The following NHEJ1 variants were observed in gnomAD, a reference collection of about 807,000 sequenced individuals.
The protein encoded by NHEJ1 is non-homologous end joining factor 1.
In NHEJ1, 22 loss-of-function variants were observed where a neutral mutation model predicts 39.4. That is an observed-to-expected ratio of 0.56 (90% CI 0.40 to 0.80). The LOEUF (loss-of-function observed/expected upper bound fraction) is 0.80, where lower values mean the gene tolerates loss of function less well. Among genes scored for constraint, NHEJ1 ranks in the 30% least tolerant of loss-of-function variants. The pLI is 0.00. For synonymous variants in NHEJ1, 154 were observed against 135.6 expected, an observed-to-expected ratio of 1.14 and a Z score of -0.94; for missense variants, 329 against 357.1, an observed-to-expected ratio of 0.92 and a Z score of 0.63.
intron 5 of NHEJ1, among the ~76,000 whole-genome samples, chr2:219,129,787 C>G (rs1015120549): frequency 1.3e-5 from 2 of 152,252 alleles, no homozygotes; most frequent in African/African-American, 4.8e-5. Flanking sequence ...GCGCCCCGGG[C>G]ACCGTGTGTC....
rs557066337 is a variant in NHEJ1 at position 219,071,309 on chromosome 2, CA to C, written c.*5071del. Among the ~76,000 whole-genome samples the C allele has an allele frequency of 1.4e-3, 207 of 152,318 alleles. No individual in the cohort carries two copies. Among genetic ancestry groups the C allele is most frequent in the Non-Finnish European group, 2.2e-3 (148 of 68,032 alleles). On this transcript the variant is annotated 3_prime_UTR_variant, in exon 8 of 8. Transcript: ENST00000356853. ...ATTTCTGACTGGCCGTCAATCCTATCAGGGGTCCATAAAGCTAGGAGGACTC... is the reference window on the plus strand; with the variant it reads ...ATTTCTGACTGGCCGTCAATCCTATCGGGGTCCATAAAGCTAGGAGGACTC...
At chr2:219,128,099 T>C (rs1949541605) in intron 5 of NHEJ1, among the ~76,000 whole-genome samples, 1 of 152,258 alleles carries the variant, frequency 6.6e-6, no homozygotes. Context: ...CTTAAGGTTC[T>C]AGAACAATGC....
intron 5 of NHEJ1, among the ~76,000 whole-genome samples, chr2:219,086,314 T>C (rs1420336042): frequency 1.3e-5 from 2 of 152,026 alleles, no homozygotes; most frequent in African/African-American, 4.8e-5. Flanking sequence ...CACAGCAAAA[T>C]GGGGAAACAG....
At chr2:219,104,281 C>T (rs1449667067) in intron 5 of NHEJ1, among the ~76,000 whole-genome samples, 1 of 152,174 alleles carries the variant, frequency 6.6e-6, no homozygotes, top group Non-Finnish European at 1.5e-5. Flanking sequence ...CTGCCTGCAA[C>T]TATGCCAAAA....
rs77422303 is a variant in NHEJ1, at chr2:219,129,441, G to C, written c.588+17239C>G. On this transcript the variant is annotated intron_variant, in intron 5 of 7. Coordinates refer to ENST00000356853, the MANE Select transcript of NHEJ1 (RefSeq NM_024782.3). The stretch of plus-strand genomic sequence containing the variant: ...CCAAGAGCTCTGAGAAGTGGGACTA[G>C]CAAGTCCCACCTATGACTTTACTCT... 1.1e-4 allele frequency among the ~76,000 whole-genome samples: 17 copies of C among 152,276 alleles called. No individual in the cohort carries two copies. In the East Asian group the frequency reaches 2.7e-3, roughly 24 times the overall value.
chr2:219,156,436 A>G (rs1230652058), intron 3 of NHEJ1, among the ~76,000 whole-genome samples: 1 of 152,224 alleles, frequency 6.6e-6, no homozygotes, highest in African/African-American at 2.4e-5. Context: ...GGCTTCCCAA[A>G]GAAGACCCTG....
chr2:219,103,004 CAAAAAAAAA>C (rs34361973), intron 5 of NHEJ1, among the ~76,000 whole-genome samples: 30 of 31,582 alleles, frequency 9.5e-4, no homozygotes, highest in Admixed American at 7.6e-3. Flanking sequence ...GACTCCGTCT[CAAAAAAAAA>C]AAAAAAAAAA....
At chr2:219,141,379 C>CAAAAAAAA (rs1351205366) in intron 5 of NHEJ1, among the ~76,000 whole-genome samples, 1 of 78,356 alleles carries the variant, frequency 1.3e-5, no homozygotes, top group Non-Finnish European at 2.5e-5. Context: ...GACTTGGTCT[C>CAAAAAAAA]AAAAAAAAAA....
chr2:219,118,767 G>A (rs1260063819), intron 5 of NHEJ1, among the ~76,000 whole-genome samples: 1 of 152,244 alleles, frequency 6.6e-6, no homozygotes, highest in African/African-American at 2.4e-5. Flanking sequence ...CAAGGAACAA[G>A]CTGAAGGAAT....
rs889023601 is a variant in NHEJ1, at chr2:219,076,174, C to T, written c.*207G>A. The T allele has an allele frequency of 5.4e-5, 61 of 1,131,808 alleles. No homozygotes were observed. The highest frequency in any genetic ancestry group is 5.9e-4 in the Middle Eastern group (2 of 3,370). 70.1% of individuals were successfully genotyped at this position (1,131,808 alleles called of 1,614,324 possible). A position where few individuals can be genotyped will look rare whatever the true frequency, so the allele number is the denominator to read the frequency against. On this transcript the variant is annotated 3_prime_UTR_variant, in exon 8 of 8. Coordinates refer to ENST00000356853, the MANE Select transcript of NHEJ1 (RefSeq NM_024782.3). ...ACCTCCACCAAAAGAGAGGAGAGCA[C>T]GGGATTCTCAGAGACTGGCTTCCAC...
Position 219,076,469 on chromosome 2 carries a change from A to G in NHEJ1, c.826-14T>C. On this transcript the variant is annotated splice_polypyrimidine_tract_variant and intron_variant, in intron 7 of 7. Transcript: ENST00000356853. ...GCCTGAAGTACCCTAGAAAAAAGGGAACCCAAGTTAGTAGGGGTTTTGAAA... is the reference window on the plus strand; with the variant it reads ...GCCTGAAGTACCCTAGAAAAAAGGGGACCCAAGTTAGTAGGGGTTTTGAAA... The G allele has an allele frequency of 6.2e-7, 1 of 1,613,028 alleles. No individual in the cohort carries two copies. The highest frequency in any genetic ancestry group is 8.5e-7 in the Non-Finnish European group (1 of 1,179,302).
At chr2:219,123,930 T>C (rs1228101916) in intron 5 of NHEJ1, among the ~76,000 whole-genome samples, 1 of 152,228 alleles carries the variant, frequency 6.6e-6, no homozygotes, top group African/African-American at 2.4e-5. Context: ...ATACTTGAAG[T>C]TTTATTAGTG....
intron 1 of NHEJ1, among the ~76,000 whole-genome samples, chr2:219,159,615 ATACGTGGT>A (rs1949909114): frequency 7.5e-5 from 10 of 132,978 alleles, no homozygotes; most frequent in Non-Finnish European, 1.5e-4. Context: ...ATATATACAT[ATACGTGGT>A]GATCTTTCTT....
At chr2:219,078,271 CACAT>C in intron 5 of NHEJ1, 65 bp from the exon 6 acceptor site, 8 of 1,341,702 alleles carry the variant, frequency 6.0e-6, no homozygotes, top group Non-Finnish European at 8.6e-6. Context: ...TCTAATACCC[CACAT>C]GCAGAACCGG....
intron 5 of NHEJ1, among the ~76,000 whole-genome samples, chr2:219,122,642 C>A (rs1574725565): frequency 6.6e-6 from 1 of 152,144 alleles, no homozygotes; most frequent in Non-Finnish European, 1.5e-5. Context: ...CAGACATTTA[C>A]TCTTAAGATT....
At position 219,074,771 on chromosome 2, in the gene NHEJ1, G is replaced by T. The variant is rs2106317812; in HGVS notation, c.*1610C>A. 6.6e-6 allele frequency among the ~76,000 whole-genome samples: 1 copy of T among 151,760 alleles called. No homozygotes were observed. Among genetic ancestry groups the T allele is most frequent in the East Asian group, 1.9e-4 (1 of 5,170 alleles). The stretch of plus-strand genomic sequence containing the variant: ...AAAAAAAAAGTAACAAAAGAGCAAA[G>T]TAAGCCAGCTGATAGGCTGTTTTTA... On this transcript the variant is annotated 3_prime_UTR_variant, in exon 8 of 8. Coordinates refer to ENST00000356853, the MANE Select transcript of NHEJ1 (RefSeq NM_024782.3).
intron 5 of NHEJ1, among the ~76,000 whole-genome samples, chr2:219,144,157 C>A (rs574548586): frequency 1.3e-5 from 2 of 152,248 alleles, no homozygotes; most frequent in African/African-American, 4.8e-5. Context: ...GCCGAGATCA[C>A]CCCACTGCAC....
chr2:219,130,606 T>G (rs1048720995), intron 5 of NHEJ1, among the ~76,000 whole-genome samples: 4 of 152,190 alleles, frequency 2.6e-5, no homozygotes, highest in African/African-American at 9.7e-5. Context: ...AAGCTAGAAC[T>G]TCCACATCTC....
chr2:219,158,473 A>G, intron 1 of NHEJ1, 111 bp from the exon 2 acceptor site: 1 of 1,046,882 alleles, frequency 9.6e-7, no homozygotes, highest in Non-Finnish European at 1.5e-6. Flanking sequence ...CCTCCCTGAT[A>G]AAATAGAAGG....
Sources: allele counts gnomAD v4.1 joint callset (sites outside exome capture counted in the v4.1 genomes callset), GRCh38; gene constraint gnomAD v4.1.1; transcripts MANE v1.5; gene names NCBI Gene and HGNC (gene_info 2026-07-23, HGNC 2026-07-21).